The following GPC5 variants were observed in gnomAD, a reference collection of about 807,000 sequenced individuals.
GPC5 encodes the protein glypican-5.
In GPC5, 47 loss-of-function variants were observed where a neutral mutation model predicts 53.9. That is an observed-to-expected ratio of 0.87 (90% CI 0.69 to 1.11). The LOEUF (loss-of-function observed/expected upper bound fraction) is 1.11. Ranked by LOEUF, GPC5 falls within the 50% of genes most tolerant of loss-of-function variation. The pLI is 0.00. For missense variants in GPC5, 748 were observed against 713.1 expected, an observed-to-expected ratio of 1.05 and a Z score of -0.56; for synonymous variants, 286 against 263.3, an observed-to-expected ratio of 1.09 and a Z score of -0.84.
intron 6 of GPC5, among the ~76,000 whole-genome samples, chr13:91,987,795 T>C (rs1424880620): frequency 1.4e-5 from 2 of 145,302 alleles, no homozygotes; most frequent in Non-Finnish European, 3.0e-5. Flanking sequence ...TAGTATTATA[T>C]TATGTATAAA....
At chr13:92,753,788 TA>T (rs1874707674) in intron 7 of GPC5, among the ~76,000 whole-genome samples, 1 of 151,572 alleles carries the variant, frequency 6.6e-6, no homozygotes, top group Non-Finnish European at 1.5e-5. Context: ...AAAAAAAGAA[TA>T]AAAAGAAATG....
intron 7 of GPC5, among the ~76,000 whole-genome samples, chr13:92,633,713 A>T (rs1371975701): frequency 6.6e-6 from 1 of 151,892 alleles, no homozygotes; most frequent in Admixed American, 6.6e-5. Context: ...TTTTCTTTTT[A>T]AAGTTTTTAC....
chr13:91,488,797 G>A lies in GPC5; in HGVS notation c.325+39875G>A, dbSNP rs1044018846. Among the ~76,000 whole-genome samples the A allele has an allele frequency of 3.9e-5, 6 of 152,328 alleles. No individual in the cohort carries two copies. The East Asian group carries it at 1.2e-3, about 29-fold the overall frequency. ...GAGATAACCGTAAACTCTGACTGCTGGTGAGCCAGGCCAACAGAGCTGTAT... is the reference window on the plus strand; with the variant it reads ...GAGATAACCGTAAACTCTGACTGCTAGTGAGCCAGGCCAACAGAGCTGTAT... On this transcript the variant is annotated intron_variant, in intron 2 of 7. Transcript: ENST00000377067.
chr13:92,410,730 C>T (rs1031458505), intron 7 of GPC5, among the ~76,000 whole-genome samples: 6 of 152,190 alleles, frequency 3.9e-5, no homozygotes, highest in African/African-American at 9.6e-5. Context: ...AGTTAAAAAC[C>T]GGATTAAATT....
chr13:91,779,474 C>T (rs1012234962), intron 5 of GPC5, among the ~76,000 whole-genome samples: 1 of 152,130 alleles, frequency 6.6e-6, no homozygotes, highest in Non-Finnish European at 1.5e-5. Flanking sequence ...GATCCTCCCA[C>T]CTCAGCCTCC....
intron 2 of GPC5, among the ~76,000 whole-genome samples, chr13:91,613,566 G>T (rs1345530533): frequency 6.6e-6 from 1 of 152,130 alleles, no homozygotes; most frequent in Non-Finnish European, 1.5e-5. Context: ...AATTAGGAAT[G>T]TGCGTTATTC....
At chr13:92,826,646 T>C (rs1482569074) in intron 7 of GPC5, among the ~76,000 whole-genome samples, 1 of 152,144 alleles carries the variant, frequency 6.6e-6, no homozygotes, top group African/African-American at 2.4e-5. Context: ...GGACAGAATT[T>C]TGGGGTCATT....
chr13:91,539,844 TTAAAAA>T (rs2138735871), intron 2 of GPC5, among the ~76,000 whole-genome samples: 1 of 152,036 alleles, frequency 6.6e-6, no homozygotes, highest in East Asian at 1.9e-4. Context: ...AAATACAAAT[TTAAAAA>T]TAAAAATAAA....
In GPC5 at chr13:92,857,397, C is replaced by T. The variant is rs545960720; in HGVS notation, c.1562-8885C>T. On this transcript the variant is annotated intron_variant, in intron 7 of 7. Transcript: ENST00000377067. ...AAAACATAGGAAATACCCTTCTGGACTTCATCCTTGGTAAAAAATTTATGA... is the reference window on the plus strand; with the variant it reads ...AAAACATAGGAAATACCCTTCTGGATTTCATCCTTGGTAAAAAATTTATGA... Among the ~76,000 whole-genome samples the T allele has an allele frequency of 3.9e-5, 6 of 152,256 alleles. No homozygotes were observed. The South Asian group carries it at 6.2e-4, about 16-fold the overall frequency.
At position 91,398,659 on chromosome 13, in the gene GPC5, A is replaced by AGGC. The variant is rs1244826471; in HGVS notation, c.-372_-370dup. 1.0e-4 allele frequency: 10 copies of AGGC among 100,404 alleles called. 2 individuals are homozygous for AGGC. The highest frequency in any genetic ancestry group is 1.6e-4 in the African/African-American group (5 of 31,298). The allele number at this position is 100,404 out of a possible 1,614,324, so 6.2% of individuals were successfully genotyped here. On this transcript the variant is annotated 5_prime_UTR_variant, in exon 1 of 8. Coordinates refer to ENST00000377067, the MANE Select transcript of GPC5 (RefSeq NM_004466.6). ...TGCTGCGAGCCGAGCCGGGCGGCGG[A>AGGC]GGCGGCGGCGGCGGCGGCAGTGGCG...
intron 2 of GPC5, among the ~76,000 whole-genome samples, chr13:91,618,074 G>C (rs1351943869): frequency 6.6e-6 from 1 of 152,076 alleles, no homozygotes; most frequent in Non-Finnish European, 1.5e-5. Context: ...TTTGGCCCAT[G>C]GACTGTAGTT....
At chr13:91,859,593 A>T (rs1226970848) in intron 5 of GPC5, among the ~76,000 whole-genome samples, 3 of 151,930 alleles carry the variant, frequency 2.0e-5, no homozygotes, top group African/African-American at 7.2e-5. Flanking sequence ...AATAATTATT[A>T]TCATTTAAAT....
At chr13:92,535,624 A>T (rs896859893) in intron 7 of GPC5, among the ~76,000 whole-genome samples, 2 of 151,930 alleles carry the variant, frequency 1.3e-5, no homozygotes, top group East Asian at 3.9e-4. Context: ...AAACAAATAG[A>T]AATTTTAAGC....
intron 7 of GPC5, among the ~76,000 whole-genome samples, chr13:92,610,508 C>T (rs1017110146): frequency 2.0e-5 from 3 of 152,130 alleles, no homozygotes; most frequent in Non-Finnish European, 4.4e-5. Context: ...AGGAAAGTGT[C>T]GCACTGAGGC....
intron 1 of GPC5, among the ~76,000 whole-genome samples, chr13:91,410,772 ATTAT>A (rs1215935714): frequency 6.6e-6 from 1 of 152,180 alleles, no homozygotes; most frequent in African/African-American, 2.4e-5. Flanking sequence ...TAAATATTTT[ATTAT>A]TTGTAGTTCA....
intron 7 of GPC5, chr13:92,241,151 C>T (rs1317983396): frequency 6.6e-6 from 1 of 152,012 alleles, no homozygotes; most frequent in African/African-American, 2.4e-5. Context: ...AAATTTGATT[C>T]CATTGCAGAA....
intron 2 of GPC5, among the ~76,000 whole-genome samples, chr13:91,540,456 T>C (rs1206569789): frequency 6.6e-6 from 1 of 152,324 alleles, no homozygotes; most frequent in African/African-American, 2.4e-5. Context: ...ATAGGCCCAG[T>C]GGGGCTGGAG....
intron 7 of GPC5, among the ~76,000 whole-genome samples, chr13:92,638,724 C>A (rs1162712922): frequency 2.6e-5 from 4 of 152,104 alleles, no homozygotes; most frequent in Admixed American, 1.3e-4. Context: ...AGTTATTTAT[C>A]AGGGGCCACC....
intron 2 of GPC5, among the ~76,000 whole-genome samples, chr13:91,449,758 A>C (rs538354808): frequency 2.5e-4 from 38 of 152,202 alleles, no homozygotes; most frequent in African/African-American, 9.2e-4. Context: ...TACAAGGCAC[A>C]CTGAAAAATA....
Sources: gnomAD v4.1 joint callset for allele counts (sites outside exome capture counted in the v4.1 genomes callset) on GRCh38, gnomAD v4.1.1 for gene constraint, MANE v1.5 for transcripts, NCBI Gene and HGNC (gene_info 2026-07-23, HGNC 2026-07-21) for gene names.